The following TTN variants were observed in gnomAD, a reference collection of about 807,000 sequenced individuals.
The protein encoded by TTN is connectin.
In TTN, 1,525 loss-of-function variants were observed where a neutral mutation model predicts 3,223.0. The observed-to-expected ratio is 0.47, with a 90% confidence interval of 0.45 to 0.49. TTN has a LOEUF of 0.49. Ranked by LOEUF, TTN falls within the 20% of genes least tolerant of loss-of-function variation. The probability of loss-of-function intolerance (pLI) is 0.00; values close to 1 mark genes in which losing one functional copy is unlikely to be tolerated. For synonymous variants in TTN, 14,094 were observed against 15,161.0 expected (o/e 0.93, Z 5.17); for missense variants, 40,786 against 43,424.0 (o/e 0.94, Z 5.40).
At chr2:178,631,359 C>T (rs2059776967) in intron 236 of TTN, 59 bp from the exon 237 acceptor site, 3 of 1,512,588 alleles carry the variant, frequency 2.0e-6, no homozygotes, top group East Asian at 4.7e-5. Flanking sequence ...ATGACAATCT[C>T]TTGGAAAGTT....
In TTN at chr2:178,641,244, C is replaced by T; in HGVS notation, c.40630G>A (p.Ala13544Thr). Residue 13544 changes from alanine to threonine, a missense_variant, in exon 220 of 363, where the codon GCA (alanine) becomes ACA (threonine). By Grantham distance (58) the Ala-to-Thr change is moderately conservative. Transcript: ENST00000589042. Reference sequence around the variant, plus strand: ...AAATTGTCACTGAGATTCCTACCTGCAGGTTTTTTAACTTTTTCTAGTTTT... The same window carrying T: ...AAATTGTCACTGAGATTCCTACCTGTAGGTTTTTTAACTTTTTCTAGTTTT... ...PKKLEKVKKPAVPEPPPPKPV... is the reference protein window; with the variant it reads ...PKKLEKVKKPTVPEPPPPKPV... 6.6e-7 allele frequency: 1 copy of T among 1,505,672 alleles called. No homozygotes were observed. Among genetic ancestry groups the T allele is most frequent in the Middle Eastern group, 1.8e-4 (1 of 5,544 alleles). The allele number at this position is 1,505,672 out of a possible 1,614,324, so 93.3% of individuals were successfully genotyped here. A position where few individuals can be genotyped will look rare whatever the true frequency, so the allele number is the denominator to read the frequency against.
chr2:178,768,538 T>C, intron 38 of TTN, 135 bp downstream of exon 38: 2 of 1,319,792 alleles, frequency 1.5e-6, no homozygotes, highest in African/African-American at 2.9e-5. Flanking sequence ...TCGTAGTGCT[T>C]CCTTTTTATT....
At chr2:178,791,381 A>G (rs2093481965) in intron 10 of TTN, among the ~76,000 whole-genome samples, 1 of 152,186 alleles carries the variant, frequency 6.6e-6, no homozygotes, top group South Asian at 2.1e-4. Context: ...GGATGAGCAC[A>G]GGCGCCCTCT....
rs760244297 is a variant in TTN at position 178,611,066 on chromosome 2, A to T, written c.51063T>A (p.Asp17021Glu). Reference protein sequence around the residue: ...HLEVPKSVRADAGIYTITLEN... With the variant: ...HLEVPKSVRAEAGIYTITLEN... ...CCAGTGTAATGGTATAAATTCCGGC[A>T]TCTGCACGGACACTCTTGGGAACTT... Residue 17021 changes from aspartate (D) to glutamate (E), a missense_variant, in exon 270 of 363, where the codon GAT (aspartate) becomes GAA (glutamate). Asp to Glu is a conservative substitution (Grantham distance 45, BLOSUM62 2). Coordinates refer to ENST00000589042, the MANE Select transcript of TTN (RefSeq NM_001267550.2). 1.7e-5 allele frequency: 27 copies of T among 1,612,730 alleles called. No individual in the cohort carries two copies. Among genetic ancestry groups the T allele is most frequent in the Admixed American group, 1.3e-4 (8 of 59,942 alleles).
Position 178,575,043 on chromosome 2 carries a change from C to T in TTN, c.71089G>A (p.Val23697Ile). 1 of 1,613,438 alleles carries T rather than the reference C, an allele frequency of 6.2e-7. No homozygotes were observed. Among genetic ancestry groups the T allele is most frequent in the Non-Finnish European group, 8.5e-7 (1 of 1,179,612 alleles). The change falls in exon 326 of 363, where the codon GTC (valine) becomes ATC (isoleucine). Residue 23697 changes from valine to isoleucine, a missense_variant. Coordinates refer to ENST00000589042, the MANE Select transcript of TTN (RefSeq NM_001267550.2). This position sits in a 1 kb window ranked among gnomAD's most constrained non-coding sequence, Gnocchi z 4.0. ...GGATAGGGCCCACTATCACTTCTGA[C>T]ACACTCATTGATATTTAAAATGGTT... ...TSTILNINEC[V>I]RSDSGPYPLT...
Position 178,709,810 on chromosome 2 carries a change from T to C in TTN, c.28509A>G (p.Val9503=), listed in dbSNP as rs756229382. The change falls in exon 99 of 363, where the codon GTA becomes GTG. Residue 9503 remains valine, a synonymous_variant. Coordinates refer to ENST00000589042, the MANE Select transcript of TTN (RefSeq NM_001267550.2). ...TGAAAGAATTCCCTTCTGTTTCTTC[T>C]ACTGTCTCTGAGAGTCTTTTAGTGA... ...PSFTKRLSET[V]EETEGNSFKL... The C allele has an allele frequency of 3.1e-6, 5 of 1,613,610 alleles. No homozygotes were observed. The South Asian group carries it at 3.3e-5, about 11-fold the overall frequency.
At position 178,583,643 on chromosome 2, in the gene TTN, C is replaced by A; in HGVS notation, c.65539G>T (p.Glu21847Ter). 6.2e-7 allele frequency: 1 copy of A among 1,611,074 alleles called. No individual in the cohort carries two copies. The highest frequency in any genetic ancestry group is 8.5e-7 in the Non-Finnish European group (1 of 1,178,526). Residue 21847 changes from glutamate to a stop codon, truncating the protein, a stop_gained, in exon 312 of 363, where the codon GAA becomes TAA. Transcript: ENST00000589042. LOFTEE classifies it high-confidence loss of function. ...RTAVNISPPS[E>*]PSDPVTILAE... is the part of the protein sequence containing the mutation. ...AGGATAGTCACTGGATCAGAAGGTTCAGAAGGTGGGCTAATGTTTACCGCG... is the reference window on the plus strand; with the variant it reads ...AGGATAGTCACTGGATCAGAAGGTTAAGAAGGTGGGCTAATGTTTACCGCG...
rs1707088255 is a variant in TTN, at chr2:178,568,975, C to G, written c.77157G>C (p.Trp25719Cys). Residue 25719 changes from tryptophan to cysteine, a missense_variant, in exon 326 of 363, where the codon TGG becomes TGC. Coordinates refer to ENST00000589042, the MANE Select transcript of TTN (RefSeq NM_001267550.2). ...TGCCACCATCATGTTCAGGTTTTGT[C>G]CAACTCAGAGAGACACTGTTTCTGG... ...DVTRNSVSLS[W>C]TKPEHDGGSK... 11 of 1,613,334 alleles carry G rather than the reference C, an allele frequency of 6.8e-6. No homozygotes were observed. Among genetic ancestry groups the G allele is most frequent in the Non-Finnish European group, 9.3e-6 (11 of 1,179,544 alleles).
intron 11 of TTN, among the ~76,000 whole-genome samples, chr2:178,790,317 A>G (rs2093419816): frequency 1.3e-5 from 2 of 150,488 alleles, no homozygotes; most frequent in African/African-American, 5.0e-5. Context: ...TCCAGTTTAA[A>G]AGAAAAAAAT....
intron 240 of TTN, chr2:178,628,912 C>A (rs1217471544): frequency 1.7e-5 from 3 of 173,558 alleles, no homozygotes; most frequent in African/African-American, 7.2e-5. Context: ...ATGCAGAACA[C>A]TAAATAGGAT....
chr2:178,627,249 A>G (rs1482255525), intron 240 of TTN, among the ~76,000 whole-genome samples: 2 of 151,972 alleles, frequency 1.3e-5, no homozygotes, highest in African/African-American at 4.8e-5. Context: ...CAACTACAAC[A>G]ACAAAGAAAA....
intron 43 of TTN, among the ~76,000 whole-genome samples, chr2:178,760,606 T>A (rs760081531): frequency 1.5e-4 from 23 of 152,214 alleles, no homozygotes; most frequent in Non-Finnish European, 7.3e-5. Context: ...TCTGGATTAG[T>A]CTTTTCATTT....
chr2:178,757,372 A>G (rs897326606), intron 45 of TTN, among the ~76,000 whole-genome samples, 170 bp downstream of exon 45: 6 of 152,188 alleles, frequency 3.9e-5, no homozygotes, highest in African/African-American at 1.4e-4. Context: ...TAAAGTATGT[A>G]GGTTAACCCA....
rs754231728 is a variant in TTN, at chr2:178,739,254, G to A, written c.13979C>T (p.Thr4660Met). ...GGTATTTACTTTGTCGATGACTAGCGTATATGTATTTTGATCTTGTAAACA... is the reference window on the plus strand; with the variant it reads ...GGTATTTACTTTGTCGATGACTAGCATATATGTATTTTGATCTTGTAAACA... ...FKCLQDQNTY[T>M]LVIDKVNTED... Residue 4660 changes from threonine (T) to methionine (M), a missense_variant, in exon 48 of 363, where the codon ACG becomes ATG. By Grantham distance (81) the Thr-to-Met change is moderately conservative. Transcript: ENST00000589042. 16 of 1,606,944 alleles carry A rather than the reference G, an allele frequency of 1.0e-5. No individual in the cohort carries two copies. Among genetic ancestry groups the A allele is most frequent in the African/African-American group, 6.7e-5 (5 of 74,770 alleles).
rs754965979 is a variant in TTN, at chr2:178,568,453, A to T, written c.77679T>A (p.Pro25893=). 5 of 1,613,224 alleles carry T rather than the reference A, an allele frequency of 3.1e-6. No homozygotes were observed. In the Admixed American group the frequency reaches 8.3e-5, roughly 27 times the overall value. ...IEIVTLDKPD[P]PKGPVKFDDV... is the part of the protein sequence containing the mutation. Reference sequence around the variant, plus strand: ...CATCAAATTTAACAGGTCCTTTTGGAGGATCAGGTTTATCTAGAGTTACAA... The same window carrying T: ...CATCAAATTTAACAGGTCCTTTTGGTGGATCAGGTTTATCTAGAGTTACAA... The change falls in exon 326 of 363, where the codon CCT becomes CCA. Residue 25893 remains proline (P), a synonymous_variant. Transcript: ENST00000589042.
At position 178,715,597 on chromosome 2, in the gene TTN, A is replaced by C. The variant is rs747173071; in HGVS notation, c.25817T>G (p.Val8606Gly). The change falls in exon 89 of 363, where the codon GTG becomes GGG. Residue 8606 changes from valine (V) to glycine (G), a missense_variant. Coordinates refer to ENST00000589042, the MANE Select transcript of TTN (RefSeq NM_001267550.2). ...AACACTGAGATTGTGCATTTCCAGC[A>C]CAGCCACCGAGTCAACGAATGACAT... ...FRMSFVDSVA[V>G]LEMHNLSVED... 1 of 1,613,636 alleles carries C rather than the reference A, an allele frequency of 6.2e-7. No homozygotes were observed. The highest frequency in any genetic ancestry group is 1.1e-5 in the South Asian group (1 of 91,062).
intron 288 of TTN, 199 bp downstream of exon 288, chr2:178,600,655 G>A: frequency 1.5e-6 from 1 of 654,052 alleles, no homozygotes. Context: ...TTTGAACAGG[G>A]AAAAGGTAAC....
chr2:178,630,417 A>T, intron 238 of TTN, 50 bp from the exon 239 acceptor site: 4 of 1,535,842 alleles, frequency 2.6e-6, no homozygotes, highest in Non-Finnish European at 3.5e-6. Context: ...TTTCTTTGAA[A>T]TTTTGTTCTA....
Position 178,539,594 on chromosome 2 carries a change from C to T in TTN, c.98471G>A (p.Gly32824Asp). 1 of 1,613,854 alleles carries T rather than the reference C, an allele frequency of 6.2e-7. No individual in the cohort carries two copies. Among genetic ancestry groups the T allele is most frequent in the South Asian group, 1.1e-5 (1 of 91,076 alleles). The change falls in exon 352 of 363, where the codon GGT becomes GAT. Residue 32824 changes from glycine to aspartate, a missense_variant. By Grantham distance (94) the Gly-to-Asp change is moderately conservative. Coordinates refer to ENST00000589042, the MANE Select transcript of TTN (RefSeq NM_001267550.2). ...GATGTAGCCTAAGATGTCAGCACCA[C>T]CATCATCAGCAGGAGGTCTCCAGCT... is the stretch of plus-strand genomic sequence containing the variant. The part of the protein sequence containing the change: ...RVSWRPPADD[G>D]GADILGYILE...
Sources: gnomAD v4.1 joint callset for allele counts (sites outside exome capture counted in the v4.1 genomes callset) on GRCh38, gnomAD v4.1.1 for gene constraint, Gnocchi (gnomAD v3.1) non-coding constraint, MANE v1.5 for transcripts, NCBI Gene and HGNC (gene_info 2026-07-23, HGNC 2026-07-21) for gene names.